The following PLCB4 variants were observed in gnomAD, a reference collection of about 807,000 sequenced individuals.
PLCB4 encodes the protein 1-phosphatidylinositol 4,5-bisphosphate phosphodiesterase beta-4.
Under a neutral mutation model 178.8 loss-of-function variants are expected in PLCB4, and 77 were observed. The observed-to-expected ratio is 0.43, with a 90% CI of 0.36 to 0.52. PLCB4 has a LOEUF of 0.52. PLCB4 is among the 20% of genes least tolerant of loss of function. PLCB4 has a pLI of 0.00. For missense variants in PLCB4, 1,024 were observed against 1,453.4 expected (o/e 0.70, Z 4.80); for synonymous variants, 496 against 490.8 (o/e 1.01, Z -0.14).
chr20:9,219,894 C>T (rs966085237), intron 3 of PLCB4, among the ~76,000 whole-genome samples: 8 of 152,084 alleles, frequency 5.3e-5, no homozygotes, highest in African/African-American at 1.9e-4. Flanking sequence ...TATGTTAGTT[C>T]TAAATGTATT....
intron 3 of PLCB4, among the ~76,000 whole-genome samples, chr20:9,288,880 CAGTT>C (rs1339565006): frequency 4.6e-5 from 7 of 152,142 alleles, no homozygotes; most frequent in South Asian, 2.1e-4. Context: ...AGTGAGTTGA[CAGTT>C]AGGAAATGAG....
At chr20:9,098,248 T>A (rs1307327037) in intron 2 of PLCB4, among the ~76,000 whole-genome samples, 1 of 152,220 alleles carries the variant, frequency 6.6e-6, no homozygotes, top group Non-Finnish European at 1.5e-5. Flanking sequence ...TTAAGTGTGA[T>A]ATAAATGCTG....
chr20:9,272,681 T>A (rs2094415389), intron 3 of PLCB4, among the ~76,000 whole-genome samples: 1 of 152,140 alleles, frequency 6.6e-6, no homozygotes, highest in South Asian at 2.1e-4. Flanking sequence ...GGGCCATTAA[T>A]CAAATTGTTT....
chr20:9,222,410 T>A (rs1413760559), intron 3 of PLCB4, among the ~76,000 whole-genome samples: 1 of 151,900 alleles, frequency 6.6e-6, no homozygotes, highest in African/African-American at 2.4e-5. Flanking sequence ...GTGCCTTCGA[T>A]TCAGTACAGC....
At chr20:9,473,933 C>G (rs2044362429) in intron 38 of PLCB4, among the ~76,000 whole-genome samples, 1 of 152,004 alleles carries the variant, frequency 6.6e-6, no homozygotes, top group Non-Finnish European at 1.5e-5. Flanking sequence ...AAAGAGTTAT[C>G]CAGGCCGGGC....
At chr20:9,130,453 C>T (rs1466354755) in intron 2 of PLCB4, among the ~76,000 whole-genome samples, 1 of 152,192 alleles carries the variant, frequency 6.6e-6, no homozygotes, top group Non-Finnish European at 1.5e-5. Context: ...ACTCTAATTG[C>T]TGTGTCGTCT....
rs1183733186 is a variant in PLCB4, at chr20:9,371,172, G to T, written c.504-42G>T. 4.0e-6 allele frequency: 5 copies of T among 1,234,598 alleles called. No individual in the cohort carries two copies. The African/African-American group carries it at 5.9e-5, about 15-fold the overall frequency. 76.5% of individuals were successfully genotyped at this position (1,234,598 alleles called of 1,614,324 possible). A position where few individuals can be genotyped will look rare whatever the true frequency, so the allele number is the denominator to read the frequency against. On this transcript the variant is annotated intron_variant, in intron 9 of 39. Coordinates refer to ENST00000378473, the MANE Select transcript of PLCB4 (RefSeq NM_001377142.1). ...ATCTTTGCATCAGAGAAAACATAATGAACAATAACTGGAATGTGTGTTTCT... is the reference window on the plus strand; with the variant it reads ...ATCTTTGCATCAGAGAAAACATAATTAACAATAACTGGAATGTGTGTTTCT...
intron 3 of PLCB4, among the ~76,000 whole-genome samples, chr20:9,302,179 T>A (rs913722772): frequency 2.6e-5 from 4 of 152,094 alleles, no homozygotes; most frequent in Non-Finnish European, 4.4e-5. Context: ...CCTTTTTTTT[T>A]TTCAAGCCAG....
intron 33 of PLCB4, among the ~76,000 whole-genome samples, chr20:9,457,088 A>G (rs950171634): frequency 6.6e-6 from 1 of 152,210 alleles, no homozygotes; most frequent in Non-Finnish European, 1.5e-5. Flanking sequence ...TCCAGTTTTC[A>G]TCCCAAATAA....
intron 4 of PLCB4, among the ~76,000 whole-genome samples, chr20:9,317,742 A>G (rs903968418): frequency 6.6e-6 from 1 of 152,228 alleles, no homozygotes; most frequent in Non-Finnish European, 1.5e-5. Flanking sequence ...ATTAAAATAT[A>G]AGTGTAAGCA....
chr20:9,405,076 A>T (rs538986998), intron 20 of PLCB4, among the ~76,000 whole-genome samples: 1 of 152,200 alleles, frequency 6.6e-6, no homozygotes, highest in African/African-American at 2.4e-5. Flanking sequence ...ATAATAAAAC[A>T]TCTAAGTAGG....
intron 20 of PLCB4, among the ~76,000 whole-genome samples, chr20:9,401,942 C>T (rs368656320): frequency 2.0e-5 from 3 of 152,106 alleles, no homozygotes; most frequent in African/African-American, 7.2e-5. Flanking sequence ...CTGAACATCC[C>T]GAGTCTAGCC....
In PLCB4 at chr20:9,414,460, A is replaced by G. The variant is rs200306762; in HGVS notation, c.2051+3372A>G. ...TGTCACCCTTGTGGTTCTCCCACCC[A>G]CCTGCAAAGACTTTTAAAAACTGCC... On this transcript the variant is annotated intron_variant, in intron 25 of 39. Transcript: ENST00000378473. 3.3e-4 allele frequency among the ~76,000 whole-genome samples: 50 copies of G among 152,336 alleles called. No individual in the cohort carries two copies. The East Asian group carries it at 8.7e-3, about 26-fold the overall frequency.
chr20:9,465,377 A>C (rs2043700840), intron 35 of PLCB4, among the ~76,000 whole-genome samples: 1 of 152,252 alleles, frequency 6.6e-6, no homozygotes, highest in African/African-American at 2.4e-5. Context: ...CTGGCACAAG[A>C]CAAGGATGCC....
intron 2 of PLCB4, among the ~76,000 whole-genome samples, chr20:9,124,000 T>A (rs796118799): frequency 3.3e-5 from 5 of 152,186 alleles, no homozygotes; most frequent in African/African-American, 1.2e-4. Flanking sequence ...TTCCAACACA[T>A]CTGTATTTAT....
intron 25 of PLCB4, among the ~76,000 whole-genome samples, chr20:9,416,645 C>A (rs987640401): frequency 2.0e-5 from 3 of 152,140 alleles, no homozygotes; most frequent in Non-Finnish European, 4.4e-5. Context: ...GTTGCCAACT[C>A]TAGCCACAAA....
chr20:9,166,519 A>G (rs1238632910), intron 2 of PLCB4: 1 of 152,268 alleles, frequency 6.6e-6, no homozygotes, highest in African/African-American at 2.4e-5. Context: ...GACCAGCGTT[A>G]TAGTCCCTGG....
intron 19 of PLCB4, among the ~76,000 whole-genome samples, chr20:9,397,236 C>T (rs558008309): frequency 1.3e-5 from 2 of 152,314 alleles, no homozygotes; most frequent in Admixed American, 1.3e-4. Flanking sequence ...TGCTCATTCA[C>T]AAGAAACAAC....
chr20:9,454,423 C>A (rs2042942285), intron 33 of PLCB4, among the ~76,000 whole-genome samples: 1 of 152,166 alleles, frequency 6.6e-6, no homozygotes, highest in South Asian at 2.1e-4. Flanking sequence ...AATTATTTTT[C>A]CTGCCTTTGA....
Sources: gnomAD v4.1 joint callset for allele counts (sites outside exome capture counted in the v4.1 genomes callset) on GRCh38, gnomAD v4.1.1 for gene constraint, MANE v1.5 for transcripts, NCBI Gene and HGNC (gene_info 2026-07-23, HGNC 2026-07-21) for gene names.